GFRAL: variants seen among roughly 807,000 people sequenced by gnomAD.
GFRAL encodes GDNF family receptor alpha like.
In GFRAL, 36 loss-of-function variants were observed where a neutral mutation model predicts 45.4. That is an observed-to-expected ratio of 0.79 (90% confidence interval 0.61 to 1.05). The LOEUF (loss-of-function observed/expected upper bound fraction) is 1.05. GFRAL is among the 50% of genes least tolerant of loss of function. The pLI is 0.00. For synonymous variants in GFRAL, 166 were observed against 154.1 expected (o/e 1.08, Z -0.57); for missense variants, 507 against 467.5 (o/e 1.08, Z -0.78).
At chr6:55,351,715 CA>C (rs2127355416) in intron 5 of GFRAL, 132 bp downstream of exon 5, 1 of 600,072 alleles carries the variant, frequency 1.7e-6, no homozygotes, top group Non-Finnish European at 2.8e-6. Context: ...TAAAACCAGA[CA>C]ATTAATATTT....
At chr6:55,344,453 C>A (rs1403353173) in intron 3 of GFRAL, among the ~76,000 whole-genome samples, 1 of 152,152 alleles carries the variant, frequency 6.6e-6, no homozygotes, top group African/African-American at 2.4e-5. Flanking sequence ...ATGATCATCT[C>A]AATAGATGCA....
chr6:55,340,957 G>T (rs996913051), intron 3 of GFRAL, among the ~76,000 whole-genome samples: 2 of 152,184 alleles, frequency 1.3e-5, no homozygotes, highest in African/African-American at 4.8e-5. Flanking sequence ...AAACTGCAAG[G>T]CAGCAGCGAG....
chr6:55,364,312 T>G (rs62419078), intron 6 of GFRAL, among the ~76,000 whole-genome samples: 16,718 of 144,518 alleles, frequency 0.12, 1,442 homozygotes, highest in African/African-American at 0.22. Context: ...AAATTTGTTT[T>G]AGTTCATTGT....
chr6:55,343,797 G>C (rs565292298), intron 3 of GFRAL, among the ~76,000 whole-genome samples: 1 of 151,784 alleles, frequency 6.6e-6, no homozygotes, highest in Admixed American at 6.6e-5. Context: ...TAATAAAGAA[G>C]AAAAAAGAGA....
chr6:55,359,755 C>A (rs1768248843), intron 6 of GFRAL, among the ~76,000 whole-genome samples: 1 of 151,972 alleles, frequency 6.6e-6, no homozygotes, highest in Non-Finnish European at 1.5e-5. Flanking sequence ...AATGGCTAAA[C>A]CCCATTGTGT....
chr6:55,395,994 A>G (rs941359620), intron 6 of GFRAL, among the ~76,000 whole-genome samples: 3 of 152,132 alleles, frequency 2.0e-5, no homozygotes, highest in Admixed American at 1.3e-4. Context: ...GTTTATCTAT[A>G]AATAGAGCAG....
intron 6 of GFRAL, among the ~76,000 whole-genome samples, chr6:55,364,562 A>G (rs1768330956): frequency 6.9e-6 from 1 of 145,752 alleles, no homozygotes; most frequent in East Asian, 1.9e-4. Flanking sequence ...TAGGGTTTTT[A>G]TGGTTTTAGG....
chr6:55,346,391 G>T (rs1473906343), intron 3 of GFRAL, among the ~76,000 whole-genome samples: 7 of 152,138 alleles, frequency 4.6e-5, no homozygotes, highest in Non-Finnish European at 8.8e-5. Flanking sequence ...GTCCTTTGTA[G>T]GGACATGGAT....
At chr6:55,388,515 A>G (rs570431010) in intron 6 of GFRAL, among the ~76,000 whole-genome samples, 1 of 152,282 alleles carries the variant, frequency 6.6e-6, no homozygotes, top group African/African-American at 2.4e-5. Context: ...AAAACTTACA[A>G]TGGTATTTTG....
rs558590458 is a variant in GFRAL at position 55,335,727 on chromosome 6, G to A, written c.316+1783G>A. On this transcript the variant is annotated intron_variant, in intron 3 of 8. Coordinates refer to ENST00000340465, the MANE Select transcript of GFRAL (RefSeq NM_207410.2). ...TTTCTCAAAAGTCATTTGGCCATATGTTGGTGGCTCTATTTCTAGACTTTC... is the reference window on the plus strand; with the variant it reads ...TTTCTCAAAAGTCATTTGGCCATATATTGGTGGCTCTATTTCTAGACTTTC... 1.6e-3 allele frequency among the ~76,000 whole-genome samples: 243 copies of A among 152,188 alleles called. 1 individual carries two copies. The highest frequency in any genetic ancestry group is 5.6e-3 in the African/African-American group (232 of 41,542).
Position 55,351,262 on chromosome 6 carries a change from G to A in GFRAL, c.380G>A (p.Gly127Glu). The change falls in exon 5 of 9, where the codon GGG becomes GAG. Residue 127 changes from glycine (G) to glutamate (E), a missense_variant. Transcript: ENST00000340465. ...ATATCATTGCTTTCAGGATTCAAAG[G>A]GATGTGGTCCTGTTTGGAAGTGGCA... ...LTTRSHHGFK[G>E]MWSCLEVAEA... 1 of 1,584,932 alleles carries A rather than the reference G, an allele frequency of 6.3e-7. No homozygotes were observed.
At position 55,327,477 on chromosome 6, in the gene GFRAL, G is replaced by A; in HGVS notation, c.-78G>A. 1 of 1,490,838 alleles carries A rather than the reference G, an allele frequency of 6.7e-7. No homozygotes were observed. The highest frequency in any genetic ancestry group is 1.1e-5 in the South Asian group (1 of 87,168). 92.4% of individuals were successfully genotyped at this position (1,490,838 alleles called of 1,614,324 possible). ...ACACAGAGGCTGAAGCCTTATTCTG[G>A]ACAGTTACTCTTAAGAAAGTTGTCA... On this transcript the variant is annotated 5_prime_UTR_variant, in exon 1 of 9. Transcript: ENST00000340465.
intron 6 of GFRAL, among the ~76,000 whole-genome samples, chr6:55,366,226 G>A (rs1460549724): frequency 3.3e-5 from 5 of 151,880 alleles, no homozygotes; most frequent in African/African-American, 9.7e-5. Context: ...GTTTATTTGT[G>A]TAGAGGTGTT....
chr6:55,382,183 A>G (rs1163581689), intron 6 of GFRAL, among the ~76,000 whole-genome samples: 2 of 151,928 alleles, frequency 1.3e-5, no homozygotes, highest in African/African-American at 4.8e-5. Context: ...AAATGGTTCC[A>G]TGGTGAATTT....
At chr6:55,368,702 T>TGA (rs1562058860) in intron 6 of GFRAL, among the ~76,000 whole-genome samples, 2 of 151,910 alleles carry the variant, frequency 1.3e-5, no homozygotes, top group Non-Finnish European at 2.9e-5. Flanking sequence ...TACCCTGCCC[T>TGA]GTGAGGTGTC....
intron 6 of GFRAL, among the ~76,000 whole-genome samples, chr6:55,391,211 T>C (rs1360793760): frequency 6.6e-6 from 1 of 152,156 alleles, no homozygotes; most frequent in Non-Finnish European, 1.5e-5. Flanking sequence ...TTCTCTCTTC[T>C]ATTATTTTTT....
chr6:55,370,306 C>T (rs184925242), intron 6 of GFRAL, among the ~76,000 whole-genome samples: 20 of 151,756 alleles, frequency 1.3e-4, no homozygotes, highest in Admixed American at 9.8e-4. Flanking sequence ...TCCTTGCTTC[C>T]CTTTCTAATT....
At chr6:55,345,778 T>C (rs1425375525) in intron 3 of GFRAL, among the ~76,000 whole-genome samples, 1 of 151,628 alleles carries the variant, frequency 6.6e-6, no homozygotes, top group Admixed American at 6.6e-5. Context: ...TGGGAGAAAA[T>C]TTTTGCAATC....
At chr6:55,345,115 C>T (rs1173010145) in intron 3 of GFRAL, among the ~76,000 whole-genome samples, 1 of 152,220 alleles carries the variant, frequency 6.6e-6, no homozygotes, top group East Asian at 1.9e-4. Flanking sequence ...GGCCATACTG[C>T]CCAAGGTAAT....
Sources: allele counts gnomAD v4.1 joint callset (sites outside exome capture counted in the v4.1 genomes callset), GRCh38; gene constraint gnomAD v4.1.1; transcripts MANE v1.5; gene names NCBI Gene and HGNC (gene_info 2026-07-23, HGNC 2026-07-21).